Variants in ATP11A observed in about 807,000 individuals in gnomAD.
ATP11A encodes phospholipid-transporting ATPase IH.
In ATP11A, 81 loss-of-function variants were observed where a neutral mutation model predicts 154.4. That is an observed-to-expected ratio of 0.52 (90% CI 0.44 to 0.63). The LOEUF is 0.63. Ranked by LOEUF, ATP11A falls within the 30% of genes least tolerant of loss-of-function variation. The pLI, the probability that ATP11A is intolerant of heterozygous loss-of-function variation, is 0.00. For missense variants in ATP11A, 1,316 were observed against 1,474.3 expected (o/e 0.89, Z 1.76); for synonymous variants, 623 against 585.9 (o/e 1.06, Z -0.91).
intron 1 of ATP11A, among the ~76,000 whole-genome samples, chr13:112,752,380 T>C (rs1157077601): frequency 3.3e-5 from 5 of 152,176 alleles, no homozygotes; most frequent in Non-Finnish European, 5.9e-5. Flanking sequence ...TGCAGCGCCA[T>C]TCCCAAAGTC....
chr13:112,826,959 G>A, intron 12 of ATP11A, 68 bp downstream of exon 12: 1 of 1,535,986 alleles, frequency 6.5e-7, no homozygotes, highest in Non-Finnish European at 9.0e-7. Flanking sequence ...ACGTTCCTCA[G>A]GTCCTGTGCC....
intron 29 of ATP11A, among the ~76,000 whole-genome samples, chr13:112,880,131 A>G (rs2080841127): frequency 6.6e-6 from 1 of 152,102 alleles, no homozygotes; most frequent in Non-Finnish European, 1.5e-5. Flanking sequence ...AGCACGCTGG[A>G]CTCAGGAAAG....
chr13:112,854,271 T>TC lies in ATP11A; in HGVS notation c.1992-5dup, dbSNP rs1249269158. 1.9e-5 allele frequency: 30 copies of TC among 1,613,428 alleles called. No individual in the cohort carries two copies. Among genetic ancestry groups the TC allele is most frequent in the Non-Finnish European group, 2.5e-5 (29 of 1,179,658 alleles). On this transcript the variant is annotated splice_region_variant and splice_polypyrimidine_tract_variant and intron_variant, in intron 18 of 29. Transcript: ENST00000375645. ...TCTCTATGCTGTGTTTGGTTTTGCC[T>TC]CCCTCAGGCTGCAGGAGAAAGCTGC... is the stretch of plus-strand genomic sequence containing the variant.
At chr13:112,695,210 C>T (rs1157737432) in intron 1 of ATP11A, among the ~76,000 whole-genome samples, 1 of 152,196 alleles carries the variant, frequency 6.6e-6, no homozygotes, top group Admixed American at 6.5e-5. Flanking sequence ...GCTTTAGCTG[C>T]CAAGGTCTTC....
intron 28 of ATP11A, among the ~76,000 whole-genome samples, chr13:112,877,821 C>T (rs1034338241): frequency 6.6e-6 from 1 of 152,186 alleles, no homozygotes; most frequent in African/African-American, 2.4e-5. Context: ...GACCACAGGC[C>T]CTCTGCTCTG....
chr13:112,815,859 G>A (rs1242383098), intron 5 of ATP11A, among the ~76,000 whole-genome samples: 1 of 152,146 alleles, frequency 6.6e-6, no homozygotes, highest in Non-Finnish European at 1.5e-5. Flanking sequence ...CTTGTTACAG[G>A]TGTTTGTCTG....
intron 1 of ATP11A, among the ~76,000 whole-genome samples, chr13:112,718,671 CTTT>C (rs35646090): frequency 4.5e-5 from 6 of 134,638 alleles, no homozygotes; most frequent in South Asian, 4.8e-4. Flanking sequence ...GCAGGCTGCA[CTTT>C]TTTTTTTTTT....
At chr13:112,790,162 A>G (rs2077806788) in intron 2 of ATP11A, among the ~76,000 whole-genome samples, 1 of 135,898 alleles carries the variant, frequency 7.4e-6, no homozygotes, top group Admixed American at 7.5e-5. Flanking sequence ...CACACCCGGC[A>G]TCCTGATGTG....
intron 29 of ATP11A, chr13:112,880,780 C>T (rs1186940198): frequency 8.7e-7 from 1 of 1,155,938 alleles, no homozygotes; most frequent in Non-Finnish European, 1.1e-6. Flanking sequence ...CCTCTTTACA[C>T]ACACATGCAT....
intron 1 of ATP11A, among the ~76,000 whole-genome samples, chr13:112,701,957 C>T (rs565524796): frequency 1.3e-5 from 2 of 152,260 alleles, no homozygotes; most frequent in African/African-American, 2.4e-5. Context: ...GGTTATCCAG[C>T]TGGTGGTTCA....
chr13:112,752,703 C>T (rs955345530), intron 1 of ATP11A, among the ~76,000 whole-genome samples: 11 of 152,150 alleles, frequency 7.2e-5, no homozygotes, highest in East Asian at 1.9e-4. Flanking sequence ...CACAGAATAC[C>T]GTAATGTAGT....
At chr13:112,733,090 G>A (rs1013910408) in intron 1 of ATP11A, among the ~76,000 whole-genome samples, 3 of 152,126 alleles carry the variant, frequency 2.0e-5, no homozygotes, top group African/African-American at 7.2e-5. Flanking sequence ...GTTAAATTGG[G>A]CATTAGAAGC....
intron 7 of ATP11A, 112 bp from the exon 8 acceptor site, chr13:112,819,788 C>T (rs929917457): frequency 2.7e-6 from 3 of 1,120,028 alleles, no homozygotes; most frequent in East Asian, 2.4e-5. Flanking sequence ...TAGCCGCACA[C>T]GGAGCGGGCC....
rs1885023179 is a variant in ATP11A, at chr13:112,690,488, G to A, written c.39+33G>A. The stretch of plus-strand genomic sequence containing the variant: ...CTCCCGGCGCGGGCTGGGGGACCCG[G>A]GGACCAGACAGACGCGGGCCGGCCC... On this transcript the variant is annotated intron_variant, in intron 1 of 29. Coordinates refer to ENST00000375645, the MANE Select transcript of ATP11A (RefSeq NM_015205.3). The surrounding 1 kb of genome is among the most constrained non-coding windows in gnomAD (Gnocchi z 5.6). The A allele has an allele frequency of 7.6e-7, 1 of 1,315,868 alleles. No individual in the cohort carries two copies. Among genetic ancestry groups the A allele is most frequent in the African/African-American group, 1.5e-5 (1 of 66,540 alleles). The allele number at this position is 1,315,868 out of a possible 1,614,324, so 81.5% of individuals were successfully genotyped here.
chr13:112,773,074 C>T (rs1011131714), intron 1 of ATP11A, among the ~76,000 whole-genome samples: 5 of 152,120 alleles, frequency 3.3e-5, no homozygotes, highest in African/African-American at 1.2e-4. Context: ...ACTCAGGAGC[C>T]TCCCAGAGCC....
At chr13:112,788,604 G>T (rs891065906) in intron 2 of ATP11A, among the ~76,000 whole-genome samples, 5 of 150,514 alleles carry the variant, frequency 3.3e-5, no homozygotes, top group African/African-American at 4.9e-5. Context: ...CCCCTGCGGA[G>T]ACCTACTTAA....
At chr13:112,809,317 C>T (rs2078419690) in intron 4 of ATP11A, among the ~76,000 whole-genome samples, 1 of 152,196 alleles carries the variant, frequency 6.6e-6, no homozygotes, top group African/African-American at 2.4e-5. Flanking sequence ...AGAAAGCTCG[C>T]ACGTTTGGAT....
At chr13:112,727,294 G>T (rs1371424753) in intron 1 of ATP11A, among the ~76,000 whole-genome samples, 4 of 152,152 alleles carry the variant, frequency 2.6e-5, no homozygotes, top group Admixed American at 6.5e-5. Flanking sequence ...TGATCTGCCC[G>T]CCTTGGCCTC....
intron 2 of ATP11A, among the ~76,000 whole-genome samples, chr13:112,791,224 G>A (rs1218523884): frequency 6.6e-6 from 1 of 152,250 alleles, no homozygotes; most frequent in Non-Finnish European, 1.5e-5. Flanking sequence ...TCCACATACG[G>A]TGCCATTGTG....
Sources: gnomAD v4.1 joint callset for allele counts (sites outside exome capture counted in the v4.1 genomes callset) on GRCh38, gnomAD v4.1.1 for gene constraint, Gnocchi (gnomAD v3.1) non-coding constraint, MANE v1.5 for transcripts, NCBI Gene and HGNC (gene_info 2026-07-23, HGNC 2026-07-21) for gene names.